SCMH1: variants seen among roughly 807,000 people sequenced by gnomAD.
SCMH1 encodes polycomb protein SCMH1.
In SCMH1, 37 loss-of-function variants were observed where a neutral mutation model predicts 70.8. The ratio of observed to expected loss-of-function variants is 0.52; its 90% CI spans 0.40 to 0.69. SCMH1 has a LOEUF of 0.69. Among genes scored for constraint, SCMH1 ranks in the 30% least tolerant of loss-of-function variants. The pLI is 0.00. For synonymous variants in SCMH1, 292 were observed against 307.4 expected, an observed-to-expected ratio of 0.95 and a Z score of 0.52; for missense variants, 607 against 827.3, an observed-to-expected ratio of 0.73 and a Z score of 3.27.
At chr1:41,141,740 A>G (rs543197574) in intron 6 of SCMH1, among the ~76,000 whole-genome samples, 11 of 152,352 alleles carry the variant, frequency 7.2e-5, no homozygotes, top group African/African-American at 2.6e-4. Context: ...TTGTAGATTT[A>G]AAGAAGCTTA....
intron 13 of SCMH1, 55 bp downstream of exon 14, chr1:41,033,928 C>A: frequency 6.2e-7 from 1 of 1,611,916 alleles, no homozygotes; most frequent in Non-Finnish European, 8.5e-7. Flanking sequence ...ACAAAGTACT[C>A]TTCTCAGAAA....
exon 9 of SCMH1, chr1:41,075,389 T>C: frequency 6.2e-7 from 1 of 1,614,124 alleles, no homozygotes; most frequent in Non-Finnish European, 8.5e-7. Flanking sequence ...TTGGTGCTGC[T>C]GTGGATGCTG....
chr1:41,224,156 T>C (rs1353304333), intron 1 of SCMH1, among the ~76,000 whole-genome samples: 1 of 152,170 alleles, frequency 6.6e-6, no homozygotes, highest in Admixed American at 6.5e-5. Flanking sequence ...TAAAACCTAA[T>C]TTGCATAGAA....
In SCMH1 at chr1:41,097,144, C is replaced by CTA. The variant is rs988280830; in HGVS notation, c.745+16138_745+16139insTA. 8.5e-4 allele frequency among the ~76,000 whole-genome samples: 129 copies of CTA among 152,240 alleles called. 1 individual carries two copies. The highest frequency in any genetic ancestry group is 2.7e-3 in the African/African-American group (112 of 41,542). Reference sequence around the variant, plus strand: ...TCAGATACTGGCTCAGAGTATTGGCCTTTAAGGTTAGGAGAAATTGTTATC... The same window carrying CTA: ...TCAGATACTGGCTCAGAGTATTGGCCTATTTAAGGTTAGGAGAAATTGTTATC... On this transcript the variant is annotated intron_variant, in intron 8 of 14. Coordinates refer to ENST00000337495, the Ensembl canonical transcript of SCMH1.
chr1:41,227,445 G>A (rs1216667061), intron 1 of SCMH1, among the ~76,000 whole-genome samples: 2 of 152,128 alleles, frequency 1.3e-5, no homozygotes, highest in African/African-American at 2.4e-5. Context: ...TCTGACACAC[G>A]CTATAACACA....
intron 1 of SCMH1, among the ~76,000 whole-genome samples, chr1:41,217,283 G>C (rs578244296): frequency 1.3e-5 from 2 of 152,322 alleles, no homozygotes; most frequent in East Asian, 3.9e-4. Context: ...GAACTTACAA[G>C]TGATAAACTT....
chr1:41,137,600 A>T (rs191712764), intron 6 of SCMH1, among the ~76,000 whole-genome samples: 25 of 152,208 alleles, frequency 1.6e-4, no homozygotes. Context: ...CAGCATCCTT[A>T]CCCTCACCTT....
intron 8 of SCMH1, among the ~76,000 whole-genome samples, chr1:41,107,970 G>A (rs1668408447): frequency 6.6e-6 from 1 of 152,194 alleles, no homozygotes; most frequent in African/African-American, 2.4e-5. Flanking sequence ...TGAAAGTTTT[G>A]TTTCTAAGCA....
At chr1:41,215,369 G>C (rs1302407654) in intron 1 of SCMH1, among the ~76,000 whole-genome samples, 4 of 152,118 alleles carry the variant, frequency 2.6e-5, no homozygotes, top group Non-Finnish European at 5.9e-5. Flanking sequence ...AAATCCACCA[G>C]AACCCTTGGC....
chr1:41,048,899 G>A lies in SCMH1; in HGVS notation c.1106-9C>T, dbSNP rs1647155715. On this transcript the variant is annotated splice_polypyrimidine_tract_variant and intron_variant, in intron 10 of 14. Coordinates refer to ENST00000337495, the Ensembl canonical transcript of SCMH1. ...GTTCAAGTAGATACAAACTATGGGA[G>A]ACAAAGAATCAAAGAAGCTTCAAGA... 4.4e-6 allele frequency: 7 copies of A among 1,603,336 alleles called. No individual in the cohort carries two copies. Among genetic ancestry groups the A allele is most frequent in the Non-Finnish European group, 6.0e-6 (7 of 1,174,818 alleles).
intron 10 of SCMH1, among the ~76,000 whole-genome samples, chr1:41,049,547 G>A (rs1362663632): frequency 6.6e-6 from 1 of 151,730 alleles, no homozygotes; most frequent in African/African-American, 2.4e-5. Flanking sequence ...TGAGGCAGGT[G>A]GATCACGAGG....
intron 1 of SCMH1, among the ~76,000 whole-genome samples, chr1:41,203,465 A>G (rs1654817253): frequency 6.6e-6 from 1 of 152,244 alleles, no homozygotes; most frequent in Non-Finnish European, 1.5e-5. Context: ...TTAAGTACTT[A>G]TTATGTGCCA....
chr1:41,082,343 C>G (rs1229471365), intron 8 of SCMH1, among the ~76,000 whole-genome samples: 1 of 152,128 alleles, frequency 6.6e-6, no homozygotes, highest in Admixed American at 6.6e-5. Context: ...CAAAGGGAAG[C>G]CCATCAGACT....
rs553181345 is a variant in SCMH1 at position 41,062,369 on chromosome 1, C to T, written c.1105+8226G>A. Among the ~76,000 whole-genome samples the T allele has an allele frequency of 1.6e-3, 238 of 150,762 alleles. 2 individuals carry two copies. The highest frequency in any genetic ancestry group is 4.9e-3 in the African/African-American group (200 of 41,052). On this transcript the variant is annotated intron_variant, in intron 10 of 14. Transcript: ENST00000337495. ...CTGTAATCCTAGCACTTTGGGAGGC[C>T]GAGGTGGGTGGATCACTTGAGGTAA...
intron 1 of SCMH1, among the ~76,000 whole-genome samples, chr1:41,235,660 A>T (rs1042128304): frequency 1.3e-4 from 20 of 151,856 alleles, no homozygotes; most frequent in African/African-American, 4.3e-4. Flanking sequence ...TCCACAACTC[A>T]GTTGAAAAAT....
chr1:41,156,460 G>C (rs1379520379), intron 4 of SCMH1, among the ~76,000 whole-genome samples: 1 of 151,902 alleles, frequency 6.6e-6, no homozygotes, highest in Non-Finnish European at 1.5e-5. Context: ...TTTGAGACGG[G>C]GTCTTGCTTT....
intron 6 of SCMH1, among the ~76,000 whole-genome samples, chr1:41,133,219 G>A (rs1642672378): frequency 6.6e-6 from 1 of 152,098 alleles, no homozygotes; most frequent in Non-Finnish European, 1.5e-5. Context: ...ATTTCGTTGA[G>A]CAGTGGTTTG....
At chr1:41,101,707 A>G (rs1388664786) in intron 8 of SCMH1, among the ~76,000 whole-genome samples, 7 of 152,110 alleles carry the variant, frequency 4.6e-5, no homozygotes. Context: ...AGCAAAGATA[A>G]TATTCCATGA....
In SCMH1 at chr1:41,113,221, C is replaced by A. The variant is rs1669653677; in HGVS notation, c.745+62G>T. On this transcript the variant is annotated intron_variant, in intron 8 of 14. Coordinates refer to ENST00000337495, the Ensembl canonical transcript of SCMH1. The surrounding 1 kb of genome is among the most constrained non-coding windows in gnomAD (Gnocchi z 4.3). ...ACTGGTGAAGATATGATCATGACAG[C>A]CCTGGGTAGTCTCCCTTATCATCTG... 3 of 1,571,356 alleles carry A rather than the reference C, an allele frequency of 1.9e-6. No individual in the cohort carries two copies. The Admixed American group carries it at 5.4e-5, about 28-fold the overall frequency.
Sources: gnomAD v4.1 joint callset for allele counts (sites outside exome capture counted in the v4.1 genomes callset) on GRCh38, gnomAD v4.1.1 for gene constraint, Gnocchi (gnomAD v3.1) non-coding constraint, MANE v1.5 for transcripts, NCBI Gene and HGNC (gene_info 2026-07-23, HGNC 2026-07-21) for gene names.